KIF17: variants seen among roughly 807,000 people sequenced by gnomAD.
KIF17 encodes the protein kinesin-like protein KIF17.
In KIF17, 80 loss-of-function variants were observed where a neutral mutation model predicts 96.8. That is an observed-to-expected ratio of 0.83 (90% CI 0.69 to 1.00). The LOEUF (loss-of-function observed/expected upper bound fraction) is 1.00, where lower values mean the gene tolerates loss of function less well. Ranked by LOEUF, KIF17 falls within the 50% of genes least tolerant of loss-of-function variation. The pLI, the probability that KIF17 is intolerant of heterozygous loss-of-function variation, is 0.00. For synonymous variants in KIF17, 567 were observed against 587.5 expected, an observed-to-expected ratio of 0.97 and a Z score of 0.51; for missense variants, 1,280 against 1,372.9, an observed-to-expected ratio of 0.93 and a Z score of 1.07.
At chr1:20,690,919 C>T (rs1270713970) in intron 6 of KIF17, among the ~76,000 whole-genome samples, 1 of 152,062 alleles carries the variant, frequency 6.6e-6, no homozygotes, top group Non-Finnish European at 1.5e-5. Context: ...GATCTCCTGA[C>T]CTCGTGATCC....
At chr1:20,678,585 G>A (rs1377452551) in intron 11 of KIF17, among the ~76,000 whole-genome samples, 1 of 151,992 alleles carries the variant, frequency 6.6e-6, no homozygotes, top group Non-Finnish European at 1.5e-5. Flanking sequence ...AGAGAACGCT[G>A]GAACCTTTGA....
intron 5 of KIF17, among the ~76,000 whole-genome samples, chr1:20,701,704 G>A (rs1207440156): frequency 6.6e-6 from 1 of 152,158 alleles, no homozygotes; most frequent in Non-Finnish European, 1.5e-5. Context: ...GTCTCATGAA[G>A]GGAGGGGATC....
intron 6 of KIF17, among the ~76,000 whole-genome samples, chr1:20,696,879 C>CGG (rs1336391532): frequency 6.6e-6 from 1 of 152,204 alleles, no homozygotes; most frequent in African/African-American, 2.4e-5. Context: ...AAAGCCTCCC[C>CGG]GGGAGCCTCC....
chr1:20,682,918 T>C (rs2053858241), intron 10 of KIF17, 34 bp from the exon 11 acceptor site: 10 of 1,579,040 alleles, frequency 6.3e-6, no homozygotes, highest in East Asian at 2.2e-5. Context: ...AACAAGACAA[T>C]ATCTGCCCAT....
intron 7 of KIF17, among the ~76,000 whole-genome samples, chr1:20,688,183 A>G (rs1279941440): frequency 6.6e-6 from 1 of 151,924 alleles, no homozygotes; most frequent in East Asian, 1.9e-4. Context: ...AGTAGCTGGG[A>G]GTACAGGCAC....
In KIF17 at chr1:20,690,347, G is replaced by GC; in HGVS notation, c.1234-13_1234-12insG. 5 of 1,323,452 alleles carry GC rather than the reference G, an allele frequency of 3.8e-6. No homozygotes were observed. The highest frequency in any genetic ancestry group is 2.9e-5 in the East Asian group (1 of 33,922). 82.0% of individuals were successfully genotyped at this position (1,323,452 alleles called of 1,614,324 possible). A position where few individuals can be genotyped will look rare whatever the true frequency, so the allele number is the denominator to read the frequency against. On this transcript the variant is annotated splice_polypyrimidine_tract_variant and intron_variant, in intron 6 of 14. Transcript: ENST00000400463. ...CGCTCTTCATACTCCTGGGGGGGTG[G>GC]GAGGGACCAGAGGGCAGGCAGCATT...
At chr1:20,695,114 A>G (rs1324737258) in intron 6 of KIF17, among the ~76,000 whole-genome samples, 3 of 146,056 alleles carry the variant, frequency 2.1e-5, no homozygotes, top group Non-Finnish European at 3.0e-5. Context: ...ATGCACGCAC[A>G]CGCATACACA....
chr1:20,681,019 G>A (rs1460143202), intron 11 of KIF17, among the ~76,000 whole-genome samples: 3 of 150,754 alleles, frequency 2.0e-5, no homozygotes, highest in Non-Finnish European at 3.0e-5. Flanking sequence ...CCAGCTACTC[G>A]GGAGGCTGAG....
downstream of KIF17, among the ~76,000 whole-genome samples, chr1:20,662,220 C>T (rs1358390116): frequency 6.6e-6 from 1 of 152,202 alleles, no homozygotes; most frequent in Non-Finnish European, 1.5e-5. Context: ...GAGTGAACAT[C>T]CATTCAATAA....
rs1375873153 is a variant in KIF17 at position 20,700,342 on chromosome 1, A to T, written c.1124-1854T>A. 6.6e-6 allele frequency among the ~76,000 whole-genome samples: 1 copy of T among 152,170 alleles called. No homozygotes were observed. The highest frequency in any genetic ancestry group is 1.5e-5 in the Non-Finnish European group (1 of 68,034). The stretch of plus-strand genomic sequence containing the variant: ...CACCTCGGCCTCCCAAAGTACTAGG[A>T]TTACAGGCGTGAACCACTGCGCCCG... On this transcript the variant is annotated intron_variant, in intron 5 of 14. Coordinates refer to ENST00000400463, the MANE Select transcript of KIF17 (RefSeq NM_001122819.3). This position sits in a 1 kb window ranked among gnomAD's most constrained non-coding sequence, Gnocchi z 4.6.
rs570592270 is a variant in KIF17, at chr1:20,709,368, C to T, written c.670+271G>A. ...CACTCCAGCCTGGGTGACAGGGTGA[C>T]ACTTTGTCTCAAAAAACAAATAAAT... On this transcript the variant is annotated intron_variant, in intron 4 of 14. Coordinates refer to ENST00000400463, the MANE Select transcript of KIF17 (RefSeq NM_001122819.3). This position sits in a 1 kb window ranked among gnomAD's most constrained non-coding sequence, Gnocchi z 4.7. Among the ~76,000 whole-genome samples, 3 of 152,256 alleles carry T rather than the reference C, an allele frequency of 2.0e-5. No individual in the cohort carries two copies. The highest frequency in any genetic ancestry group is 7.2e-5 in the African/African-American group (3 of 41,542).
rs861007 is a variant in KIF17 at position 20,681,113 on chromosome 1, A to C, written c.2463+1540T>G. ...TGCACTCCAGCCTGGGTGACAGAGC[A>C]AGACTCTGTCTCAAAAAAAAAAAAA... On this transcript the variant is annotated intron_variant, in intron 11 of 14. Coordinates refer to ENST00000400463, the MANE Select transcript of KIF17 (RefSeq NM_001122819.3). Among the ~76,000 whole-genome samples, 7 of 142,502 alleles carry C rather than the reference A, an allele frequency of 4.9e-5. No homozygotes were observed. The East Asian group carries it at 1.5e-3, about 30-fold the overall frequency. 93.5% of individuals were successfully genotyped at this position (142,502 alleles called of 152,430 possible). A position where few individuals can be genotyped will look rare whatever the true frequency, so the allele number is the denominator to read the frequency against.
intron 11 of KIF17, among the ~76,000 whole-genome samples, chr1:20,681,119 C>T (rs1313342361): frequency 1.4e-5 from 2 of 143,562 alleles, no homozygotes; most frequent in Admixed American, 1.4e-4. Context: ...GAGCAAGACT[C>T]TGTCTCAAAA....
chr1:20,690,437 A>G, intron 6 of KIF17, 102 bp from the exon 7 acceptor site: 1 of 1,109,328 alleles, frequency 9.0e-7, no homozygotes, highest in Non-Finnish European at 1.3e-6. Flanking sequence ...TACAGAACCT[A>G]TAAGTAAGCC....
At chr1:20,708,378 C>T (rs971514681) in intron 4 of KIF17, among the ~76,000 whole-genome samples, 2 of 152,188 alleles carry the variant, frequency 1.3e-5, no homozygotes, top group Non-Finnish European at 2.9e-5. Context: ...ACTGCACCCT[C>T]GGTCTCCCGG....
At chr1:20,715,680 G>A (rs1449087029) in intron 1 of KIF17, 41 bp from the exon 2 acceptor site, 1 of 1,612,808 alleles carries the variant, frequency 6.2e-7, no homozygotes, top group South Asian at 1.1e-5. Context: ...CAGTGGAGCA[G>A]GCACAGCAGG....
chr1:20,687,866 G>A lies in KIF17; in HGVS notation c.1460C>T (p.Pro487Leu), dbSNP rs534971002. ...CACTGTCTCATACTGAAAAGCAGGC[G>A]GGTACTCAGCGCTGCTGGCAAACTC... ...RAEFASSAEY[P>L]PAFQYETVVK... is the part of the protein sequence containing the mutation. Residue 487 changes from proline to leucine, a missense_variant, in exon 8 of 15, where the codon CCG (proline) becomes CTG (leucine). Transcript: ENST00000400463. This position sits in a 1 kb window ranked among gnomAD's most constrained non-coding sequence, Gnocchi z 4.4. 46 of 1,613,958 alleles carry A rather than the reference G, an allele frequency of 2.9e-5. No individual in the cohort carries two copies. In the Middle Eastern group the frequency reaches 4.9e-4, roughly 17 times the overall value.
At position 20,672,031 on chromosome 1, in the gene KIF17, G is replaced by C; in HGVS notation, c.2629C>G (p.Leu877Val). Reference sequence around the variant, plus strand: ...CAGGACTCACGCAGAATCTTCTCCAGGTTGCTGTAGTTACAGTCCCTGCGA... The same window carrying C: ...CAGGACTCACGCAGAATCTTCTCCACGTTGCTGTAGTTACAGTCCCTGCGA... ...LIRRDCNYSN[L>V]EKILRESCWD... Residue 877 changes from leucine to valine, a missense_variant, in exon 12 of 15, where the codon CTG becomes GTG. Transcript: ENST00000400463. This position sits in a 1 kb window ranked among gnomAD's most constrained non-coding sequence, Gnocchi z 4.3. 1 of 1,614,152 alleles carries C rather than the reference G, an allele frequency of 6.2e-7. No homozygotes were observed. The highest frequency in any genetic ancestry group is 8.5e-7 in the Non-Finnish European group (1 of 1,180,048).
intron 6 of KIF17, among the ~76,000 whole-genome samples, chr1:20,696,619 A>C (rs947583163): frequency 6.6e-6 from 1 of 151,970 alleles, no homozygotes; most frequent in African/African-American, 2.4e-5. Flanking sequence ...GCAGTGCCCT[A>C]CTTACTGGAC....
Sources: gnomAD v4.1 joint callset for allele counts (sites outside exome capture counted in the v4.1 genomes callset) on GRCh38, gnomAD v4.1.1 for gene constraint, Gnocchi (gnomAD v3.1) non-coding constraint, MANE v1.5 for transcripts, NCBI Gene and HGNC (gene_info 2026-07-23, HGNC 2026-07-21) for gene names.